The following SSH1 variants were observed in gnomAD, a reference collection of about 807,000 sequenced individuals.
SSH1 encodes protein phosphatase Slingshot homolog 1.
A neutral mutation model predicts 79.7 loss-of-function variants in SSH1; 43 were observed. The ratio of observed to expected loss-of-function variants is 0.54; its 90% CI spans 0.42 to 0.70. SSH1 has a LOEUF of 0.70. Ranked by LOEUF, SSH1 falls within the 30% of genes least tolerant of loss-of-function variation. SSH1 has a pLI of 0.00. For missense variants in SSH1, 1,206 were observed against 1,358.8 expected (o/e 0.89, Z 1.77); for synonymous variants, 599 against 538.3 (o/e 1.11, Z -1.56).
rs2036144335 is a variant in SSH1 at position 108,781,293 on chromosome 12, G to T, written c.*6695C>A. On this transcript the variant is annotated 3_prime_UTR_variant, in exon 15 of 15. Transcript: ENST00000326495. ...AATAAATTTAGCTGGGTGCAGCAGT[G>T]TGTGGCTCTGGTCCCAGCTACTTGG... The T allele has an allele frequency of 6.6e-6, 1 of 151,564 alleles. No homozygotes were observed. The highest frequency in any genetic ancestry group is 2.1e-4 in the South Asian group (1 of 4,776). 9.4% of individuals were successfully genotyped at this position (151,564 alleles called of 1,614,324 possible). A position where few individuals can be genotyped will look rare whatever the true frequency, so the allele number is the denominator to read the frequency against.
At chr12:108,845,753 G>T (rs568671473) in intron 2 of SSH1, among the ~76,000 whole-genome samples, 1 of 152,304 alleles carries the variant, frequency 6.6e-6, no homozygotes, top group Admixed American at 6.5e-5. Context: ...CATGCAGCAG[G>T]CAATGACTGA....
chr12:108,803,925 A>T (rs992499049), intron 10 of SSH1, among the ~76,000 whole-genome samples: 1 of 152,116 alleles, frequency 6.6e-6, no homozygotes, highest in Non-Finnish European at 1.5e-5. Context: ...CATAACTCTT[A>T]ATTACTTCCT....
Position 108,856,900 on chromosome 12 carries a change from G to T in SSH1, c.69+528C>A, listed in dbSNP as rs139590592. Among the ~76,000 whole-genome samples, 917 of 152,354 alleles carry T rather than the reference G, an allele frequency of 6.0e-3. 6 individuals carry two copies. The highest frequency in any genetic ancestry group is 9.3e-3 in the Non-Finnish European group (632 of 68,034). On this transcript the variant is annotated intron_variant, in intron 1 of 14. Coordinates refer to ENST00000326495, the MANE Select transcript of SSH1 (RefSeq NM_018984.4). ...GTCACCCCTGGACCCTGGTCACACT[G>T]CAGAGTCACTCACAAATGGGAGTCC...
rs770231098 is a variant in SSH1, at chr12:108,788,549, G to A, written c.2589C>T (p.Ala863=). 41 of 1,583,970 alleles carry A rather than the reference G, an allele frequency of 2.6e-5. No homozygotes were observed. The highest frequency in any genetic ancestry group is 2.5e-4 in the South Asian group (22 of 86,618). The change falls in exon 15 of 15, where the codon GCC becomes GCT. Residue 863 remains alanine (A), a synonymous_variant. Transcript: ENST00000326495. ...CCAGGGGGCCCAGCTCGTGGAGCGCGGCTGGATCCTGGCTCTCCTCGGGGA... is the reference window on the plus strand; with the variant it reads ...CCAGGGGGCCCAGCTCGTGGAGCGCAGCTGGATCCTGGCTCTCCTCGGGGA... ...ASIPEESQDP[A]ALHELGPLVM...
intron 2 of SSH1, among the ~76,000 whole-genome samples, chr12:108,845,644 G>A (rs1371864343): frequency 2.6e-5 from 4 of 152,150 alleles, no homozygotes; most frequent in Admixed American, 1.3e-4. Context: ...CTGAGATTGC[G>A]CCATTGCACT....
intron 2 of SSH1, chr12:108,827,387 C>T (rs775148476): frequency 6.0e-6 from 9 of 1,511,680 alleles, no homozygotes; most frequent in Non-Finnish European, 8.0e-6. Flanking sequence ...CCTACAACTG[C>T]CCTCCGAGCT....
At chr12:108,796,856 C>T (rs752899654) in intron 13 of SSH1, among the ~76,000 whole-genome samples, 10 of 151,940 alleles carry the variant, frequency 6.6e-5, no homozygotes, top group Non-Finnish European at 1.2e-4. Flanking sequence ...AATTCTCCTG[C>T]CTCAGCCTCC....
At position 108,806,239 on chromosome 12, in the gene SSH1, G is replaced by C. The variant is rs146429711; in HGVS notation, c.825+62C>G. ...TGGGCCTGCTTTTGCTGCACTTTCG[G>C]GAGCAGGACACATGGAGGCTGCATG... On this transcript the variant is annotated intron_variant, in intron 9 of 14. Transcript: ENST00000326495. 9 of 1,489,436 alleles carry C rather than the reference G, an allele frequency of 6.0e-6. No homozygotes were observed. The African/African-American group carries it at 9.7e-5, about 16-fold the overall frequency. The allele number at this position is 1,489,436 out of a possible 1,614,324, so 92.3% of individuals were successfully genotyped here. A position where few individuals can be genotyped will look rare whatever the true frequency, so the allele number is the denominator to read the frequency against.
intron 14 of SSH1, among the ~76,000 whole-genome samples, chr12:108,790,720 A>G (rs995056617): frequency 1.3e-5 from 2 of 152,212 alleles, no homozygotes; most frequent in Non-Finnish European, 2.9e-5. Context: ...TGTTTGCATT[A>G]TAACATGCTG....
Position 108,792,392 on chromosome 12 carries a change from A to T in SSH1, c.1787T>A (p.Leu596Gln), listed in dbSNP as rs1296928672. Residue 596 changes from leucine to glutamine, a missense_variant, in exon 14 of 15, where the codon CTG becomes CAG. Transcript: ENST00000326495. ...QVEETEREEG[L>Q]GAGRWGQLPT... ...AAGCTGCCCCCACCTCCCTGCTCCC[A>T]GGCCCTCCTCCCTTTCCGTCTCCTC... The T allele has an allele frequency of 6.2e-7, 1 of 1,614,146 alleles. No homozygotes were observed.
chr12:108,857,379 G>T lies in SSH1; in HGVS notation c.69+49C>A. The T allele has an allele frequency of 1.0e-6, 1 of 974,320 alleles. No homozygotes were observed. Among genetic ancestry groups the T allele is most frequent in the South Asian group, 4.6e-5 (1 of 21,842 alleles). 60.4% of individuals were successfully genotyped at this position (974,320 alleles called of 1,614,324 possible). A position where few individuals can be genotyped will look rare whatever the true frequency, so the allele number is the denominator to read the frequency against. On this transcript the variant is annotated intron_variant, in intron 1 of 14. Transcript: ENST00000326495. This position sits in a 1 kb window ranked among gnomAD's most constrained non-coding sequence, Gnocchi z 4.7. ...GCGCGGCCCCAGCTCCGGCGGCCTCGGCGCGGCGTCCGGCGGCCCAGGCCG... is the reference window on the plus strand; with the variant it reads ...GCGCGGCCCCAGCTCCGGCGGCCTCTGCGCGGCGTCCGGCGGCCCAGGCCG...
chr12:108,790,694 T>C (rs953364827), intron 14 of SSH1, among the ~76,000 whole-genome samples: 3 of 152,236 alleles, frequency 2.0e-5, no homozygotes, highest in African/African-American at 7.2e-5. Flanking sequence ...GGTCGACAGA[T>C]GCAACTGCCC....
chr12:108,791,388 G>A (rs2036493552), intron 14 of SSH1, among the ~76,000 whole-genome samples: 1 of 152,188 alleles, frequency 6.6e-6, no homozygotes. Context: ...GATTACAGAT[G>A]TGAGCTACCG....
intron 13 of SSH1, among the ~76,000 whole-genome samples, chr12:108,795,798 G>A (rs74596934): frequency 0.01 from 1,567 of 152,214 alleles, 30 homozygotes; most frequent in African/African-American, 0.035. Flanking sequence ...AGGTTGAGGT[G>A]TCATGATCAT....
At chr12:108,809,832 A>G in intron 6 of SSH1, 74 bp from the exon 7 acceptor site, 1 of 1,329,056 alleles carries the variant, frequency 7.5e-7, no homozygotes, top group South Asian at 1.2e-5. Context: ...CTCTGGGAGG[A>G]GGGAGCCAAA....
intron 1 of SSH1, chr12:108,853,454 C>T (rs567979400): frequency 1.6e-6 from 1 of 610,294 alleles, no homozygotes; most frequent in Non-Finnish European, 2.1e-6. Context: ...CACAGAGGCG[C>T]CCATTGAATG....
chr12:108,789,980 G>A (rs374580390), intron 14 of SSH1, among the ~76,000 whole-genome samples: 6 of 151,396 alleles, frequency 4.0e-5, no homozygotes, highest in Admixed American at 2.0e-4. Context: ...AGGTGTGAGC[G>A]ACTACACCCC....
chr12:108,801,846 C>G (rs1485864526), intron 11 of SSH1, among the ~76,000 whole-genome samples: 1 of 151,968 alleles, frequency 6.6e-6, no homozygotes, highest in East Asian at 1.9e-4. Flanking sequence ...TGCTTCTGGC[C>G]AACACTGAGC....
Position 108,802,324 on chromosome 12 carries a change from T to C in SSH1, c.999A>G (p.Ser333=). Residue 333 remains serine, a splice_region_variant and synonymous_variant, in exon 11 of 15, where the codon TCA becomes TCG. Transcript: ENST00000326495. ...NASNLEELQG[S]GVDYILNVTR... ...AAAGACAAGGGGAGGAGACTCACCC[T>C]GAGCCCTGCAGTTCCTCCAGATTGG... The C allele has an allele frequency of 1.9e-6, 3 of 1,613,984 alleles. No homozygotes were observed. Among genetic ancestry groups the C allele is most frequent in the Non-Finnish European group, 2.5e-6 (3 of 1,179,918 alleles).
Sources: gnomAD v4.1 joint callset for allele counts (sites outside exome capture counted in the v4.1 genomes callset) on GRCh38, gnomAD v4.1.1 for gene constraint, Gnocchi (gnomAD v3.1) non-coding constraint, MANE v1.5 for transcripts, NCBI Gene and HGNC (gene_info 2026-07-23, HGNC 2026-07-21) for gene names.